PRKN: variants seen among roughly 807,000 people sequenced by gnomAD.
PRKN encodes the protein E3 ubiquitin-protein ligase parkin.
In PRKN, 56 loss-of-function variants were observed where a neutral mutation model predicts 59.5. The ratio of observed to expected loss-of-function variants is 0.94; its 90% CI spans 0.76 to 1.18. The LOEUF (loss-of-function observed/expected upper bound fraction) is 1.18. Among genes scored for constraint, PRKN ranks in the 50% most tolerant of loss-of-function variants. The probability of loss-of-function intolerance (pLI) is 0.00; values close to 1 mark genes in which losing one functional copy is unlikely to be tolerated. For missense variants in PRKN, 657 were observed against 596.4 expected (o/e 1.10, Z -1.06); for synonymous variants, 250 against 222.1 (o/e 1.13, Z -1.12).
chr6:162,661,551 C>T (rs1778880424), intron 1 of PRKN, among the ~76,000 whole-genome samples: 1 of 152,052 alleles, frequency 6.6e-6, no homozygotes, highest in Non-Finnish European at 1.5e-5. Context: ...GGGTGGGGAA[C>T]CCTGAGCACA....
intron 6 of PRKN, among the ~76,000 whole-genome samples, chr6:161,809,197 T>C (rs1791459702): frequency 6.6e-6 from 1 of 152,158 alleles, no homozygotes; most frequent in South Asian, 2.1e-4. Context: ...AAAATATTTT[T>C]TAGTTATAAA....
chr6:161,797,087 T>A (rs1004083069), intron 6 of PRKN, among the ~76,000 whole-genome samples: 1 of 152,204 alleles, frequency 6.6e-6, no homozygotes, highest in South Asian at 2.1e-4. Flanking sequence ...AGAAGCTATT[T>A]AACATAAGAA....
rs1279180949 is a variant in PRKN, at chr6:161,379,422, C to A, written c.1167+7372G>T. Among the ~76,000 whole-genome samples, 4 of 152,192 alleles carry A rather than the reference C, an allele frequency of 2.6e-5. No homozygotes were observed. The highest frequency in any genetic ancestry group is 5.9e-5 in the Non-Finnish European group (4 of 68,034). ...TTACCCTGCTAACCTTCCATTTGTA[C>A]ATTTCTCCAGTCTCTCTCATTCCAC... On this transcript the variant is annotated intron_variant, in intron 10 of 11. Coordinates refer to ENST00000366898, the MANE Select transcript of PRKN (RefSeq NM_004562.3). The surrounding 1 kb of genome is among the most constrained non-coding windows in gnomAD (Gnocchi z 4.9).
chr6:161,443,642 A>G (rs560095683), intron 9 of PRKN, among the ~76,000 whole-genome samples: 2 of 152,326 alleles, frequency 1.3e-5, no homozygotes, highest in East Asian at 3.9e-4. Flanking sequence ...ACTGCAATTT[A>G]TAAGAACAAT....
intron 7 of PRKN, among the ~76,000 whole-genome samples, chr6:161,600,588 A>G (rs1197029280): frequency 1.3e-5 from 2 of 152,184 alleles, no homozygotes; most frequent in Admixed American, 1.3e-4. Flanking sequence ...TATACTCTAG[A>G]AAATTACGGT....
intron 6 of PRKN, among the ~76,000 whole-genome samples, chr6:161,905,992 A>G (rs148718369): frequency 6.8e-6 from 1 of 146,812 alleles, no homozygotes; most frequent in African/African-American, 2.6e-5. Flanking sequence ...AATTCTTTTT[A>G]AAATTTAATT....
intron 7 of PRKN, among the ~76,000 whole-genome samples, chr6:161,703,862 T>C (rs1212534450): frequency 2.4e-5 from 3 of 127,548 alleles, no homozygotes; most frequent in African/African-American, 1.0e-4. Context: ...TTTTTTTTTT[T>C]TTTTTTTTTT....
chr6:161,539,045 G>A (rs1323455284), intron 9 of PRKN, among the ~76,000 whole-genome samples: 4 of 152,160 alleles, frequency 2.6e-5, no homozygotes, highest in Non-Finnish European at 4.4e-5. Context: ...GCATGTGCTA[G>A]ACAATCTCTG....
At chr6:162,523,455 G>A (rs1190686841) in intron 1 of PRKN, among the ~76,000 whole-genome samples, 3 of 152,116 alleles carry the variant, frequency 2.0e-5, no homozygotes, top group Non-Finnish European at 4.4e-5. Context: ...CTGAGGTCAG[G>A]AGTTTCTGAG....
intron 9 of PRKN, among the ~76,000 whole-genome samples, chr6:161,501,674 T>C (rs1259527153): frequency 1.3e-5 from 2 of 152,190 alleles, no homozygotes; most frequent in Non-Finnish European, 2.9e-5. Context: ...TCTGCAACTG[T>C]CTCTCTTCTG....
At chr6:162,420,090 T>C (rs964212340) in intron 2 of PRKN, among the ~76,000 whole-genome samples, 1 of 151,998 alleles carries the variant, frequency 6.6e-6, no homozygotes, top group African/African-American at 2.4e-5. Flanking sequence ...TAATATATAA[T>C]GGAATAATTA....
intron 7 of PRKN, among the ~76,000 whole-genome samples, chr6:161,653,206 C>CAA (rs574039778): frequency 1.2e-4 from 18 of 150,812 alleles, no homozygotes; most frequent in African/African-American, 1.7e-4. Context: ...ATTAAAAATA[C>CAA]AAAAAAAAAT....
intron 5 of PRKN, among the ~76,000 whole-genome samples, chr6:162,008,205 G>A (rs1032173499): frequency 9.9e-5 from 15 of 152,162 alleles, no homozygotes; most frequent in African/African-American, 3.4e-4. Flanking sequence ...AGAGAAAGAT[G>A]CACATATATG....
chr6:162,442,429 T>G (rs139647695), intron 2 of PRKN, among the ~76,000 whole-genome samples: 6 of 152,324 alleles, frequency 3.9e-5, no homozygotes, highest in Non-Finnish European at 8.8e-5. Context: ...TCGTCTTTCT[T>G]GCATTCACAA....
chr6:162,437,096 A>AAAAAT (rs1554323724), intron 2 of PRKN, among the ~76,000 whole-genome samples: 2 of 147,578 alleles, frequency 1.4e-5, no homozygotes, highest in African/African-American at 2.5e-5. Context: ...TGTCTCAAAA[A>AAAAAT]AAATAAATAA....
At chr6:161,956,072 A>G (rs77730884) in intron 6 of PRKN, among the ~76,000 whole-genome samples, 39 of 152,292 alleles carry the variant, frequency 2.6e-4, no homozygotes, top group African/African-American at 8.2e-4. Flanking sequence ...GTCAGGGCCA[A>G]AATCTTGGCT....
At chr6:162,485,061 A>G (rs1792481905) in intron 1 of PRKN, among the ~76,000 whole-genome samples, 1 of 152,240 alleles carries the variant, frequency 6.6e-6, no homozygotes, top group Non-Finnish European at 1.5e-5. Flanking sequence ...TATAACATAA[A>G]AAATACATTT....
chr6:162,479,737 A>T (rs1448764612), intron 1 of PRKN, among the ~76,000 whole-genome samples: 1 of 147,646 alleles, frequency 6.8e-6, no homozygotes, highest in Non-Finnish European at 1.5e-5. Context: ...GACCTGCCTG[A>T]GGCTGTTTTA....
chr6:162,067,120 G>T (rs754624623), intron 4 of PRKN, among the ~76,000 whole-genome samples: 1 of 152,062 alleles, frequency 6.6e-6, no homozygotes, highest in East Asian at 1.9e-4. Context: ...CAAGTTCAAG[G>T]TTATACAACG....
Sources: gnomAD v4.1 joint callset for allele counts (sites outside exome capture counted in the v4.1 genomes callset) on GRCh38, gnomAD v4.1.1 for gene constraint, Gnocchi (gnomAD v3.1) non-coding constraint, MANE v1.5 for transcripts, NCBI Gene and HGNC (gene_info 2026-07-23, HGNC 2026-07-21) for gene names.